MRPL52: variants seen among roughly 807,000 people sequenced by gnomAD.
MRPL52 encodes the protein mitochondrial ribosomal protein L52.
In MRPL52, 19 loss-of-function variants were observed where a neutral mutation model predicts 22.1. The observed-to-expected ratio is 0.86, with a 90% CI of 0.60 to 1.26. MRPL52 has a LOEUF of 1.26. Among genes scored for constraint, MRPL52 ranks in the 50% most tolerant of loss-of-function variants. The pLI, the probability that MRPL52 is intolerant of heterozygous loss-of-function variation, is 0.00. For missense variants in MRPL52, 152 were observed against 148.1 expected (o/e 1.03, Z -0.14); for synonymous variants, 50 against 57.5 (o/e 0.87, Z 0.59).
At chr14:22,832,103 G>A (rs2039634252) in intron 3 of MRPL52, 2 of 152,198 alleles carry the variant, frequency 1.3e-5, no homozygotes, top group African/African-American at 4.8e-5. Context: ...GAAGAGTACA[G>A]TAAATGTCCC....
chr14:22,830,804 T>C, intron 3 of MRPL52: 1 of 568,170 alleles, frequency 1.8e-6, no homozygotes, highest in Non-Finnish European at 3.1e-6. Flanking sequence ...CCATTCTCCT[T>C]ATGAGACTCC....
intron 3 of MRPL52, chr14:22,831,224 C>CA: frequency 1.9e-6 from 1 of 516,954 alleles, no homozygotes; most frequent in Admixed American, 3.6e-5. Flanking sequence ...GCAGTCCTCC[C>CA]ACCTCAGCCC....
chr14:22,834,112 A>T, intron 4 of MRPL52, 60 bp from the exon 5 acceptor site: 5 of 1,566,024 alleles, frequency 3.2e-6, no homozygotes, highest in Non-Finnish European at 4.3e-6. Context: ...AAGTGGAAGG[A>T]TATATAGTAT....
At chr14:22,831,377 G>A (rs2039615344) in intron 3 of MRPL52, 1 of 190,440 alleles carries the variant, frequency 5.3e-6, no homozygotes, top group Non-Finnish European at 1.1e-5. Context: ...GCCTCCCAAA[G>A]TGCTGGGATT....
intron 3 of MRPL52, among the ~76,000 whole-genome samples, chr14:22,832,576 G>A (rs369257221): frequency 3.3e-4 from 50 of 152,086 alleles, no homozygotes; most frequent in African/African-American, 1.1e-3. Context: ...TCCTGACCTC[G>A]TGATCCGCCT....
intron 3 of MRPL52, chr14:22,831,038 G>A (rs1293746565): frequency 7.0e-7 from 1 of 1,437,222 alleles, no homozygotes; most frequent in Admixed American, 2.1e-5. Context: ...GTTATTTACT[G>A]TAAGAAGCCT....
In MRPL52 at chr14:22,830,077, T is replaced by C. The variant is rs4982685; in HGVS notation, c.53T>C (p.Val18Ala). The stretch of plus-strand genomic sequence containing the variant: ...GGTGTCCGGAGGCTGCACTGCAGCG[T>C]AGCCGCTTGGGCGGGCGGCCAGTGG... ...LFSVRRLHCS[V>A]AAWAGGQWRL... The change falls in exon 2 of 5, where the codon GTA (valine) becomes GCA (alanine). Residue 18 changes from valine to alanine, a missense_variant. Transcript: ENST00000397496. The C allele has an allele frequency of 0.84, 1,363,183 of 1,614,006 alleles. 576,909 individuals carry two copies. Among genetic ancestry groups the C allele is most frequent in the East Asian group, 1 (44,817 of 44,876 alleles).
At chr14:22,831,241 T>C (rs760359570) in intron 3 of MRPL52, 6 of 488,298 alleles carry the variant, frequency 1.2e-5, no homozygotes, top group Non-Finnish European at 2.1e-5. Context: ...GCCCCCCAAG[T>C]AGGTGGGACC....
chr14:22,832,416 C>T (rs529460532), intron 3 of MRPL52, among the ~76,000 whole-genome samples: 1 of 152,208 alleles, frequency 6.6e-6, no homozygotes, highest in East Asian at 1.9e-4. Flanking sequence ...TCTTGGCTCA[C>T]TGCAAGCTCA....
At chr14:22,831,248 G>A (rs1283713368) in intron 3 of MRPL52, 9 of 489,638 alleles carry the variant, frequency 1.8e-5, no homozygotes, top group Non-Finnish European at 2.9e-5. Context: ...AAGTAGGTGG[G>A]ACCACAGGCA....
In MRPL52 at chr14:22,834,482, C is replaced by T; in HGVS notation, c.*161C>T. On this transcript the variant is annotated 3_prime_UTR_variant, in exon 5 of 5. Transcript: ENST00000397496. ...AGCTGTTAGATCACTGCCTGGGAGGCTTGGCTTAGTACTCTCATCTCTGGT... is the reference window on the plus strand; with the variant it reads ...AGCTGTTAGATCACTGCCTGGGAGGTTTGGCTTAGTACTCTCATCTCTGGT... The T allele has an allele frequency of 1.2e-6, 1 of 805,510 alleles. No individual in the cohort carries two copies. Among genetic ancestry groups the T allele is most frequent in the Non-Finnish European group, 1.9e-6 (1 of 519,522 alleles). 49.9% of individuals were successfully genotyped at this position (805,510 alleles called of 1,614,324 possible). A position where few individuals can be genotyped will look rare whatever the true frequency, so the allele number is the denominator to read the frequency against.
At chr14:22,830,311 C>A in intron 3 of MRPL52, 57 bp downstream of exon 3, 1 of 1,583,884 alleles carries the variant, frequency 6.3e-7, no homozygotes, top group Non-Finnish European at 8.7e-7. Flanking sequence ...AGAGGGAACG[C>A]CCCTGGACGG....
rs906741853 is a variant in MRPL52, at chr14:22,830,246, C to G, written c.146C>G (p.Ser49Ter). Residue 49 changes from serine (S) to a stop codon, truncating the protein, a stop_gained, in exon 3 of 5, where the codon TCA becomes TGA. Coordinates refer to ENST00000397496, the MANE Select transcript of MRPL52 (RefSeq NM_180982.3). LOFTEE classifies it high-confidence loss of function. ...CCCCTTACCGAGCTCCCAGACTGGT[C>G]ATATGCGGGTAAGCGCTGATCTGGC... ...YGPLTELPDW[S>*]YADGRPAPPM... 8 of 1,614,204 alleles carry G rather than the reference C, an allele frequency of 5.0e-6. No individual in the cohort carries two copies. The highest frequency in any genetic ancestry group is 6.8e-6 in the Non-Finnish European group (8 of 1,180,046).
chr14:22,830,310 G>T (rs2138702417), intron 3 of MRPL52, 56 bp downstream of exon 3: 2 of 1,582,936 alleles, frequency 1.3e-6, no homozygotes, highest in East Asian at 4.5e-5. Flanking sequence ...TAGAGGGAAC[G>T]CCCCTGGACG....
In MRPL52 at chr14:22,830,231, A is replaced by G. The variant is rs1445994072; in HGVS notation, c.131A>G (p.Glu44Gly). The G allele has an allele frequency of 1.2e-6, 2 of 1,614,054 alleles. No individual in the cohort carries two copies. Among genetic ancestry groups the G allele is most frequent in the Non-Finnish European group, 8.5e-7 (1 of 1,180,030 alleles). The change falls in exon 3 of 5, where the codon GAG (glutamate) becomes GGG (glycine). Residue 44 changes from glutamate to glycine, a missense_variant. Glu to Gly is a moderately conservative substitution (Grantham distance 98, BLOSUM62 -2). Transcript: ENST00000397496. The part of the protein sequence containing the change: ...ANPSGYGPLT[E>G]LPDWSYADGR... The stretch of plus-strand genomic sequence containing the variant: ...CCCTCCGGCTACGGGCCCCTTACCG[A>G]GCTCCCAGACTGGTCATATGCGGGT...
chr14:22,834,299 A>G lies in MRPL52; in HGVS notation c.347A>G (p.Lys116Arg). The G allele has an allele frequency of 6.2e-7, 1 of 1,613,566 alleles. No homozygotes were observed. Among genetic ancestry groups the G allele is most frequent in the Non-Finnish European group, 8.5e-7 (1 of 1,179,814 alleles). The change falls in exon 5 of 5, where the codon AAG (lysine) becomes AGG (arginine). Residue 116 changes from lysine to arginine, a missense_variant. Coordinates refer to ENST00000397496, the MANE Select transcript of MRPL52 (RefSeq NM_180982.3). ...NALKPKGASLKSPLPSQ is the reference protein window; with the variant it reads ...NALKPKGASLRSPLPSQ ...CTTAAACCCAAAGGGGCTTCACTGA[A>G]GAGCCCACTTCCAAGTCAATAAAAA... is the stretch of plus-strand genomic sequence containing the variant.
chr14:22,831,687 A>C (rs780333397), intron 3 of MRPL52: 1 of 152,244 alleles, frequency 6.6e-6, no homozygotes, highest in African/African-American at 2.4e-5. Context: ...AAAGTAAACT[A>C]CTTGGGTTAG....
At chr14:22,830,662 G>A (rs2039587026) in intron 3 of MRPL52, 1 of 394,458 alleles carries the variant, frequency 2.5e-6, no homozygotes, top group Admixed American at 4.3e-5. Context: ...TCTCAGAGGG[G>A]TAGAAGGATG....
intron 4 of MRPL52, 131 bp downstream of exon 4, chr14:22,833,613 T>A: frequency 1.5e-6 from 1 of 649,808 alleles, no homozygotes; most frequent in Non-Finnish European, 2.6e-6. Flanking sequence ...CAGCCAAAGG[T>A]TTTTTTTGTT....
Sources: allele counts gnomAD v4.1 joint callset (sites outside exome capture counted in the v4.1 genomes callset), GRCh38; gene constraint gnomAD v4.1.1; transcripts MANE v1.5; gene names NCBI Gene and HGNC (gene_info 2026-07-23, HGNC 2026-07-21).